The following SGIP1 variants were observed in gnomAD, a reference collection of about 807,000 sequenced individuals.
SGIP1 encodes the protein SH3GL interacting endocytic adaptor 1, also known as SH3-containing GRB2-like protein 3-interacting protein 1.
SGIP1 carries 38 observed loss-of-function variants against 107.5 expected under a neutral mutation model. The ratio of observed to expected loss-of-function variants is 0.35; its 90% CI spans 0.27 to 0.46. The LOEUF (loss-of-function observed/expected upper bound fraction) is 0.46, where lower values mean the gene tolerates loss of function less well. Among genes scored for constraint, SGIP1 ranks in the 20% least tolerant of loss-of-function variants. SGIP1 has a pLI of 1.00. For missense variants in SGIP1, 929 were observed against 1,019.5 expected, an observed-to-expected ratio of 0.91 and a Z score of 1.21; for synonymous variants, 365 against 366.1, an observed-to-expected ratio of 1.00 and a Z score of 0.03.
chr1:66,721,575 A>G (rs1171757172), intron 19 of SGIP1, among the ~76,000 whole-genome samples: 1 of 152,004 alleles, frequency 6.6e-6, no homozygotes, highest in Non-Finnish European at 1.5e-5. Context: ...CACCCGGCTA[A>G]TTTTTGTATT....
intron 1 of SGIP1, among the ~76,000 whole-genome samples, chr1:66,558,969 G>T (rs954583034): frequency 6.6e-6 from 1 of 151,982 alleles, no homozygotes; most frequent in African/African-American, 2.4e-5. Flanking sequence ...GGGCTAGCAG[G>T]TGTAAATAAC....
intron 7 of SGIP1, among the ~76,000 whole-genome samples, chr1:66,649,168 A>G (rs2078236323): frequency 6.6e-6 from 1 of 152,150 alleles, no homozygotes; most frequent in Non-Finnish European, 1.5e-5. Context: ...CTGTTAAAGC[A>G]GCTTGGAATT....
chr1:66,694,888 G>A (rs1482415707), intron 17 of SGIP1: 1 of 226,048 alleles, frequency 4.4e-6, no homozygotes, highest in Admixed American at 5.5e-5. Flanking sequence ...GGTAAAGGGT[G>A]TTTTGTGTCT....
chr1:66,734,048 C>G (rs1483767706), intron 21 of SGIP1, among the ~76,000 whole-genome samples, 168 bp downstream of exon 21: 1 of 152,016 alleles, frequency 6.6e-6, no homozygotes, highest in Non-Finnish European at 1.5e-5. Flanking sequence ...GGACTACTGA[C>G]AAAAATATTC....
At chr1:66,595,164 C>A (rs571309634) in intron 1 of SGIP1, among the ~76,000 whole-genome samples, 6 of 152,188 alleles carry the variant, frequency 3.9e-5, no homozygotes, top group African/African-American at 1.4e-4. Flanking sequence ...ACACTTCGTG[C>A]TGATCATTGG....
At position 66,594,272 on chromosome 1, in the gene SGIP1, A is replaced by G. The variant is rs549055304; in HGVS notation, c.11-31575A>G. Among the ~76,000 whole-genome samples the G allele has an allele frequency of 3.3e-5, 5 of 152,252 alleles. No homozygotes were observed. The South Asian group carries it at 8.3e-4, about 25-fold the overall frequency. ...TTCTTAACACTTATTTAGTCCCCCA[A>G]ATTATTTCTTTGTATTTCCTTGTAG... is the stretch of plus-strand genomic sequence containing the variant. On this transcript the variant is annotated intron_variant, in intron 1 of 24. Transcript: ENST00000371037.
intron 17 of SGIP1, chr1:66,694,487 G>A (rs748277085): frequency 1.1e-5 from 18 of 1,604,678 alleles, no homozygotes; most frequent in Middle Eastern, 1.7e-4. Flanking sequence ...TTTGAAAGGC[G>A]CTGTGAAACG....
At chr1:66,565,323 G>A (rs1356995756) in intron 1 of SGIP1, among the ~76,000 whole-genome samples, 1 of 151,716 alleles carries the variant, frequency 6.6e-6, no homozygotes, top group African/African-American at 2.4e-5. Context: ...TATTTTTGAT[G>A]GCCTGATTTT....
At chr1:66,589,727 T>G (rs2148863942) in intron 1 of SGIP1, among the ~76,000 whole-genome samples, 1 of 152,222 alleles carries the variant, frequency 6.6e-6, no homozygotes, top group Middle Eastern at 3.4e-3. Flanking sequence ...TAAGTAAAGG[T>G]TTTTATACTT....
intron 1 of SGIP1, among the ~76,000 whole-genome samples, chr1:66,614,809 C>CTTT (rs10707091): frequency 0.06 from 3,542 of 59,460 alleles, 590 homozygotes; most frequent in Non-Finnish European, 0.082. Flanking sequence ...TTCCAGCTGT[C>CTTT]TTTTTTTTTT....
In SGIP1 at chr1:66,744,727, A is replaced by G. The variant is rs2094530288; in HGVS notation, c.*1632A>G. 3.3e-5 allele frequency: 5 copies of G among 152,492 alleles called. 2 individuals carry two copies. The South Asian group carries it at 1.0e-3, about 32-fold the overall frequency. 9.4% of individuals were successfully genotyped at this position (152,492 alleles called of 1,614,324 possible). A position where few individuals can be genotyped will look rare whatever the true frequency, so the allele number is the denominator to read the frequency against. ...TTTAAATTAATCTTTGTACTCCTCT[A>G]TCAGTGCTTGCTACCAAGAGAATGT... On this transcript the variant is annotated 3_prime_UTR_variant, in exon 25 of 25. Coordinates refer to ENST00000371037, the MANE Select transcript of SGIP1 (RefSeq NM_032291.4).
chr1:66,660,277 T>A, intron 7 of SGIP1: 1 of 512,704 alleles, frequency 2.0e-6, no homozygotes, highest in Admixed American at 3.7e-5. Flanking sequence ...AGAGCAAGTT[T>A]AGAATGTGCT....
intron 1 of SGIP1, among the ~76,000 whole-genome samples, chr1:66,540,165 A>T (rs1406644477): frequency 6.6e-6 from 1 of 152,232 alleles, no homozygotes; most frequent in African/African-American, 2.4e-5. Flanking sequence ...AACATGAAAC[A>T]ATTAGGAAAT....
intron 1 of SGIP1, among the ~76,000 whole-genome samples, chr1:66,596,181 T>C (rs1283347034): frequency 6.6e-6 from 1 of 152,224 alleles, no homozygotes; most frequent in Non-Finnish European, 1.5e-5. Flanking sequence ...ACCAATGTTA[T>C]AGCTTGTACC....
At chr1:66,546,037 A>C (rs1454895463) in intron 1 of SGIP1, among the ~76,000 whole-genome samples, 3 of 152,192 alleles carry the variant, frequency 2.0e-5, no homozygotes, top group Non-Finnish European at 4.4e-5. Flanking sequence ...CTTTTGGTGA[A>C]AGAGTCAAGC....
At chr1:66,642,004 AC>A (rs2076881478) in intron 5 of SGIP1, among the ~76,000 whole-genome samples, 1 of 152,312 alleles carries the variant, frequency 6.6e-6, no homozygotes, top group Admixed American at 6.5e-5. Flanking sequence ...GAATCGATGC[AC>A]ATGTTTTAAA....
intron 1 of SGIP1, among the ~76,000 whole-genome samples, chr1:66,572,498 G>A (rs969999528): frequency 2.6e-5 from 4 of 151,946 alleles, no homozygotes; most frequent in Non-Finnish European, 5.9e-5. Flanking sequence ...GTTCCTCCCC[G>A]AAATATGTCC....
chr1:66,724,975 A>T (rs1163131590), intron 19 of SGIP1, among the ~76,000 whole-genome samples: 3 of 152,210 alleles, frequency 2.0e-5, no homozygotes, highest in Non-Finnish European at 4.4e-5. Context: ...CATATGGACA[A>T]ATATCAAGAG....
At chr1:66,542,007 C>T (rs959349985) in intron 1 of SGIP1, among the ~76,000 whole-genome samples, 14 of 152,060 alleles carry the variant, frequency 9.2e-5, no homozygotes, top group Admixed American at 7.9e-4. Context: ...AGAATAAGTA[C>T]GGTAATCCTC....
Sources: gnomAD v4.1 joint callset for allele counts (sites outside exome capture counted in the v4.1 genomes callset) on GRCh38, gnomAD v4.1.1 for gene constraint, MANE v1.5 for transcripts, NCBI Gene and HGNC (gene_info 2026-07-23, HGNC 2026-07-21) for gene names.